The following SMYD3 variants were observed in gnomAD, a reference collection of about 807,000 sequenced individuals.
The protein encoded by SMYD3 is SET and MYND domain containing 3.
A neutral mutation model predicts 57.7 loss-of-function variants in SMYD3; 36 were observed. The ratio of observed to expected loss-of-function variants is 0.62; its 90% confidence interval spans 0.48 to 0.82. SMYD3 has a LOEUF of 0.82. Ranked by LOEUF, SMYD3 falls within the 40% of genes least tolerant of loss-of-function variation. SMYD3 has a pLI of 0.00. For synonymous variants in SMYD3, 211 were observed against 195.0 expected, an observed-to-expected ratio of 1.08 and a Z score of -0.68; for missense variants, 515 against 538.8, an observed-to-expected ratio of 0.96 and a Z score of 0.44.
chr1:246,197,982 G>C (rs2062851545), intron 5 of SMYD3, among the ~76,000 whole-genome samples: 1 of 152,110 alleles, frequency 6.6e-6, no homozygotes, highest in South Asian at 2.1e-4. Context: ...TGTGGGCTAG[G>C]ATAAAACTGC....
chr1:246,072,005 A>AGTTCTGGGGAGGGAT, intron 5 of SMYD3, among the ~76,000 whole-genome samples: 1 of 17,722 alleles, frequency 5.6e-5, no homozygotes, highest in South Asian at 3.0e-3. Flanking sequence ...CTGTGGATGC[A>AGTTCTGGGGAGGGAT]TCGTGTAGTT....
At chr1:246,487,963 G>C (rs1218324046) in intron 1 of SMYD3, among the ~76,000 whole-genome samples, 2 of 152,092 alleles carry the variant, frequency 1.3e-5, no homozygotes, top group Non-Finnish European at 2.9e-5. Context: ...CAAAGTGCTG[G>C]GATTACAGGT....
intron 5 of SMYD3, among the ~76,000 whole-genome samples, chr1:245,977,904 C>T (rs1467106203): frequency 6.6e-6 from 1 of 152,138 alleles, no homozygotes; most frequent in Non-Finnish European, 1.5e-5. Context: ...TCTATGTATA[C>T]ACAGCATATC....
intron 5 of SMYD3, among the ~76,000 whole-genome samples, chr1:246,170,451 G>A (rs1164583102): frequency 7.3e-6 from 1 of 136,154 alleles, no homozygotes; most frequent in East Asian, 2.1e-4. Flanking sequence ...TATAATTACT[G>A]CTTTCACCAA....
intron 5 of SMYD3, among the ~76,000 whole-genome samples, chr1:246,324,159 A>G (rs1432248119): frequency 2.0e-5 from 3 of 152,172 alleles, no homozygotes; most frequent in African/African-American, 7.2e-5. Context: ...TCACGTCTGT[A>G]ATCCCAGCAC....
At chr1:246,008,984 G>A (rs559249194) in intron 5 of SMYD3, among the ~76,000 whole-genome samples, 3 of 152,148 alleles carry the variant, frequency 2.0e-5, no homozygotes, top group Admixed American at 6.5e-5. Context: ...TGCTAGCAGC[G>A]TGGCCTTGGG....
intron 5 of SMYD3, among the ~76,000 whole-genome samples, chr1:246,087,002 T>C (rs1180643157): frequency 6.6e-6 from 1 of 152,156 alleles, no homozygotes; most frequent in Non-Finnish European, 1.5e-5. Context: ...TCTGCGTTAG[T>C]TTGCTGAGGA....
At chr1:246,372,182 G>C (rs914417570) in intron 1 of SMYD3, among the ~76,000 whole-genome samples, 1 of 152,190 alleles carries the variant, frequency 6.6e-6, no homozygotes, top group Non-Finnish European at 1.5e-5. Flanking sequence ...TTTATTAAGA[G>C]GTCAATCATC....
intron 2 of SMYD3, among the ~76,000 whole-genome samples, chr1:246,350,521 A>T (rs564005510): frequency 1.3e-5 from 2 of 152,312 alleles, no homozygotes; most frequent in East Asian, 3.9e-4. Context: ...CGACATGATG[A>T]CTAAATGGAT....
intron 5 of SMYD3, among the ~76,000 whole-genome samples, chr1:246,307,890 T>C (rs1394491663): frequency 6.6e-6 from 1 of 152,158 alleles, no homozygotes; most frequent in Non-Finnish European, 1.5e-5. Context: ...AAGAAGCTCC[T>C]TGGCATCCAG....
intron 5 of SMYD3, among the ~76,000 whole-genome samples, chr1:246,146,898 C>T (rs1392624171): frequency 6.6e-6 from 1 of 152,122 alleles, no homozygotes; most frequent in Non-Finnish European, 1.5e-5. Context: ...TGGTGTCGTC[C>T]AATCACTGCA....
intron 1 of SMYD3, among the ~76,000 whole-genome samples, chr1:246,442,691 T>C: frequency 6.6e-6 from 1 of 152,324 alleles, no homozygotes. Context: ...AGGTTAAGTT[T>C]AAAAATATAT....
At chr1:246,456,605 T>C (rs1420538785) in intron 1 of SMYD3, among the ~76,000 whole-genome samples, 1 of 152,282 alleles carries the variant, frequency 6.6e-6, no homozygotes, top group Non-Finnish European at 1.5e-5. Flanking sequence ...ATTCTGTCTA[T>C]GCCTCTGTTG....
intron 10 of SMYD3, among the ~76,000 whole-genome samples, chr1:245,779,876 A>G (rs1263845292): frequency 6.6e-6 from 1 of 152,246 alleles, no homozygotes; most frequent in East Asian, 1.9e-4. Flanking sequence ...ATCTGACTAG[A>G]TATTTTTCCA....
intron 5 of SMYD3, among the ~76,000 whole-genome samples, chr1:246,259,036 T>A (rs917131486): frequency 6.6e-6 from 1 of 152,230 alleles, no homozygotes; most frequent in East Asian, 1.9e-4. Context: ...ATTTTTAAAT[T>A]TCTTAAGTGA....
At chr1:246,166,641 T>C (rs900603261) in intron 5 of SMYD3, among the ~76,000 whole-genome samples, 1 of 152,196 alleles carries the variant, frequency 6.6e-6, no homozygotes, top group African/African-American at 2.4e-5. Context: ...ACATGTAAAG[T>C]GCTCAAGATA....
chr1:246,450,920 C>A (rs935753265), intron 1 of SMYD3, among the ~76,000 whole-genome samples: 1 of 152,126 alleles, frequency 6.6e-6, no homozygotes, highest in Non-Finnish European at 1.5e-5. Context: ...AATTAAGGTG[C>A]CAACTGTTCA....
intron 5 of SMYD3, among the ~76,000 whole-genome samples, chr1:246,080,002 G>A (rs2060611856): frequency 6.6e-6 from 1 of 152,188 alleles, no homozygotes; most frequent in African/African-American, 2.4e-5. Context: ...GTGTGAAGAA[G>A]AGAAGGCTTT....
Position 246,092,028 on chromosome 1 carries a change from A to C in SMYD3, c.532-162091T>G, listed in dbSNP as rs186000471. On this transcript the variant is annotated intron_variant, in intron 5 of 11. Coordinates refer to ENST00000490107, the MANE Select transcript of SMYD3 (RefSeq NM_001167740.2). ...TTAACACAATTTTTTTTTAAAAAGT[A>C]TATGTAGCTTTTACTAATAAATATT... Among the ~76,000 whole-genome samples, 10 of 152,324 alleles carry C rather than the reference A, an allele frequency of 6.6e-5. No individual in the cohort carries two copies. In the East Asian group the frequency reaches 1.9e-3, roughly 29 times the overall value.
Sources: allele counts gnomAD v4.1 joint callset (sites outside exome capture counted in the v4.1 genomes callset), GRCh38; gene constraint gnomAD v4.1.1; transcripts MANE v1.5; gene names NCBI Gene and HGNC (gene_info 2026-07-23, HGNC 2026-07-21).